PIEZO2: variants seen among roughly 807,000 people sequenced by gnomAD.
The protein encoded by PIEZO2 is piezo type mechanosensitive ion channel component 2.
Under a neutral mutation model 337.3 loss-of-function variants are expected in PIEZO2, and 172 were observed. That is an observed-to-expected ratio of 0.51 (90% confidence interval 0.45 to 0.58). The LOEUF is 0.58. Among genes scored for constraint, PIEZO2 ranks in the 20% least tolerant of loss-of-function variants. PIEZO2 has a pLI of 0.00. For synonymous variants in PIEZO2, 1,251 were observed against 1,228.5 expected (o/e 1.02, Z -0.38); for missense variants, 3,028 against 3,391.3 (o/e 0.89, Z 2.66).
intron 9 of PIEZO2, among the ~76,000 whole-genome samples, chr18:10,802,784 A>G (rs1198141966): frequency 1.3e-5 from 2 of 152,114 alleles, no homozygotes; most frequent in Admixed American, 1.3e-4. Context: ...AGCCAGGGCA[A>G]CATGGCAAAA....
In PIEZO2 at chr18:11,070,568, G is replaced by A. The variant is rs973736895; in HGVS notation, c.65-4346C>T. On this transcript the variant is annotated intron_variant, in intron 1 of 55. Transcript: ENST00000674853. This position sits in a 1 kb window ranked among gnomAD's most constrained non-coding sequence, Gnocchi z 4.3. The stretch of plus-strand genomic sequence containing the variant: ...GACGGATATGAGAAAAACCAGGAAA[G>A]CCTAGCTTCACAAAGGGAAAGGTTT... 7.2e-5 allele frequency among the ~76,000 whole-genome samples: 11 copies of A among 152,274 alleles called. No individual in the cohort carries two copies. Among genetic ancestry groups the A allele is most frequent in the African/African-American group, 2.4e-4 (10 of 41,552 alleles).
chr18:11,036,638 C>CTT (rs1413140894), intron 2 of PIEZO2, among the ~76,000 whole-genome samples: 2 of 151,780 alleles, frequency 1.3e-5, no homozygotes, highest in Non-Finnish European at 2.9e-5. Flanking sequence ...CTCTGACAGA[C>CTT]TTTTGCAGGC....
intron 2 of PIEZO2, among the ~76,000 whole-genome samples, chr18:11,022,471 C>T (rs2584746): frequency 0.46 from 69,819 of 152,010 alleles, 16,171 homozygotes; most frequent in Middle Eastern, 0.53. Context: ...AGGCTAGAAG[C>T]CCACGATCAA....
chr18:10,730,728 G>T (rs1472404859), intron 36 of PIEZO2, among the ~76,000 whole-genome samples: 1 of 151,788 alleles, frequency 6.6e-6, no homozygotes, highest in Non-Finnish European at 1.5e-5. Context: ...TTTCTTATTG[G>T]CTATTTATTT....
intron 54 of PIEZO2, among the ~76,000 whole-genome samples, chr18:10,674,291 G>A (rs1057176951): frequency 3.4e-4 from 51 of 152,226 alleles, no homozygotes; most frequent in African/African-American, 1.2e-3. Context: ...TTATTTCATG[G>A]GAAATTACTG....
chr18:10,704,615 A>C lies in PIEZO2; in HGVS notation c.6037T>G (p.Phe2013Val). 1 of 1,537,234 alleles carries C rather than the reference A, an allele frequency of 6.5e-7. No homozygotes were observed. Among genetic ancestry groups the C allele is most frequent in the Non-Finnish European group, 8.7e-7 (1 of 1,146,884 alleles). Residue 2013 changes from phenylalanine (F) to valine (V), a missense_variant, in exon 42 of 56, where the codon TTC becomes GTC. Physicochemically the swap from Phe to Val is conservative, Grantham distance 50 (BLOSUM62 -1). Transcript: ENST00000674853. ...AGAAATCGGGGCTGCCCCACGTAGA[A>C]TTTCTCTGACTCTTCAAGCTCATCG... is the stretch of plus-strand genomic sequence containing the variant. Reference protein sequence around the residue: ...HDDELEESEKFYVGQPRFLLL... With the variant: ...HDDELEESEKVYVGQPRFLLL...
rs916499369 is a variant in PIEZO2, at chr18:10,705,567, G to A, written c.5768C>T (p.Thr1923Ile). ...GAACTGTGTCAGCTCTTCCTCTGGG[G>A]TGAGGCTGGCCTCCTCGGCACCCAT... is the stretch of plus-strand genomic sequence containing the variant. The part of the protein sequence containing the change: ...GAMGAEEASL[T>I]PEEELTQFST... The change falls in exon 41 of 56, where the codon ACC becomes ATC. Residue 1923 changes from threonine (T) to isoleucine (I), a missense_variant. Around this residue, in one of 5 missense-constraint regions of PIEZO2, gnomAD observed 1,925 missense variants for 2,051.9 expected, o/e 0.94. Transcript: ENST00000674853. 10 of 1,537,134 alleles carry A rather than the reference G, an allele frequency of 6.5e-6. No homozygotes were observed. Among genetic ancestry groups the A allele is most frequent in the African/African-American group, 5.5e-5 (4 of 73,052 alleles).
intron 2 of PIEZO2, among the ~76,000 whole-genome samples, chr18:10,990,999 G>A (rs140032687): frequency 2.0e-5 from 3 of 151,788 alleles, no homozygotes; most frequent in African/African-American, 7.3e-5. Context: ...ATCTGGTTTG[G>A]TATTAAGGTA....
rs2040282301 is a variant in PIEZO2, at chr18:11,129,586, A to AC, written c.64+18938dup. 6.6e-6 allele frequency among the ~76,000 whole-genome samples: 1 copy of AC among 152,168 alleles called. No homozygotes were observed. Among genetic ancestry groups the AC allele is most frequent in the Non-Finnish European group, 1.5e-5 (1 of 68,036 alleles). ...TTTCCAGACTTGAGCCAGTTTATGC[A>AC]CCCAGAACCCCTTGAATGAAGGGGA... On this transcript the variant is annotated intron_variant, in intron 1 of 55. Transcript: ENST00000674853. This position sits in a 1 kb window ranked among gnomAD's most constrained non-coding sequence, Gnocchi z 4.6.
At chr18:10,941,958 G>A (rs570439415) in intron 3 of PIEZO2, among the ~76,000 whole-genome samples, 1 of 152,064 alleles carries the variant, frequency 6.6e-6, no homozygotes, top group Admixed American at 6.5e-5. Context: ...ATAGTGAAGG[G>A]GTCTCACGAG....
Position 10,790,705 on chromosome 18 carries a change from C to CTTT in PIEZO2, c.1882+493_1882+495dup, listed in dbSNP as rs34016331. ...TCACCTTCGTGAGGATCAAATGGCA[C>CTTT]TTTTTTTTTTTTTTTTTTGAGAGGG... On this transcript the variant is annotated intron_variant, in intron 14 of 55. Transcript: ENST00000674853. 6.0e-3 allele frequency among the ~76,000 whole-genome samples: 773 copies of CTTT among 127,866 alleles called. 17 individuals are homozygous for CTTT. The highest frequency in any genetic ancestry group is 8.8e-3 in the Non-Finnish European group (543 of 61,812). 83.9% of individuals were successfully genotyped at this position (127,866 alleles called of 152,430 possible).
chr18:10,953,716 C>T lies in PIEZO2; in HGVS notation c.286+25819G>A, dbSNP rs1379603996. Among the ~76,000 whole-genome samples the T allele has an allele frequency of 6.6e-6, 1 of 152,048 alleles. No individual in the cohort carries two copies. The highest frequency in any genetic ancestry group is 1.5e-5 in the Non-Finnish European group (1 of 68,022). ...TGGTTGAACACATCGCAACACTGGG[C>T]AGATAGATGGGCAGCATTTTATTAC... is the stretch of plus-strand genomic sequence containing the variant. On this transcript the variant is annotated intron_variant, in intron 3 of 55. Coordinates refer to ENST00000674853, the MANE Select transcript of PIEZO2 (RefSeq NM_001378183.1). The surrounding 1 kb of genome is among the most constrained non-coding windows in gnomAD (Gnocchi z 5.2).
intron 54 of PIEZO2, among the ~76,000 whole-genome samples, chr18:10,674,294 A>T (rs2033898819): frequency 6.6e-6 from 1 of 152,234 alleles, no homozygotes; most frequent in African/African-American, 2.4e-5. Flanking sequence ...TTTCATGGGA[A>T]ATTACTGATT....
chr18:10,695,368 C>T (rs1349910743), intron 47 of PIEZO2, among the ~76,000 whole-genome samples: 3 of 152,188 alleles, frequency 2.0e-5, no homozygotes, highest in Non-Finnish European at 1.5e-5. Flanking sequence ...TGAAGGTCAA[C>T]ACCCTTTCCT....
rs528224646 is a variant in PIEZO2 at position 10,726,903 on chromosome 18, G to T, written c.5029+4504C>A. 64 of 1,585,660 alleles carry T rather than the reference G, an allele frequency of 4.0e-5. No individual in the cohort carries two copies. The highest frequency in any genetic ancestry group is 5.3e-5 in the Non-Finnish European group (62 of 1,162,504). ...AGCACATCATGGCCACCAACCGGCTGGATGTGGCGGAGCTGGGTCGCCTGC... is the reference window on the plus strand; with the variant it reads ...AGCACATCATGGCCACCAACCGGCTTGATGTGGCGGAGCTGGGTCGCCTGC... On this transcript the variant is annotated intron_variant, in intron 36 of 55. Coordinates refer to ENST00000674853, the MANE Select transcript of PIEZO2 (RefSeq NM_001378183.1). The surrounding 1 kb of genome is among the most constrained non-coding windows in gnomAD (Gnocchi z 5.9).
At chr18:10,972,266 T>C (rs1209180062) in intron 3 of PIEZO2, among the ~76,000 whole-genome samples, 1 of 152,122 alleles carries the variant, frequency 6.6e-6, no homozygotes, top group African/African-American at 2.4e-5. Flanking sequence ...CTCCTAACTC[T>C]TCCATCATGT....
In PIEZO2 at chr18:11,033,184, G is replaced by C. The variant is rs1337519257; in HGVS notation, c.160+32943C>G. 2.0e-5 allele frequency among the ~76,000 whole-genome samples: 3 copies of C among 152,240 alleles called. No individual in the cohort carries two copies. Among genetic ancestry groups the C allele is most frequent in the Non-Finnish European group, 4.4e-5 (3 of 68,046 alleles). On this transcript the variant is annotated intron_variant, in intron 2 of 55. Transcript: ENST00000674853. This position sits in a 1 kb window ranked among gnomAD's most constrained non-coding sequence, Gnocchi z 4.2. ...TCTCTACAACACACATGTGGGCACT[G>C]TTCTCTCCTTCATTTCACACATGAG...
chr18:10,699,430 C>T (rs996841422), intron 43 of PIEZO2, among the ~76,000 whole-genome samples: 3 of 152,074 alleles, frequency 2.0e-5, no homozygotes, highest in East Asian at 3.9e-4. Context: ...TCATGAGATC[C>T]GATGGTTATA....
chr18:10,677,971 C>T lies in PIEZO2; in HGVS notation c.7953-96G>A. On this transcript the variant is annotated intron_variant, in intron 52 of 55. Coordinates refer to ENST00000674853, the MANE Select transcript of PIEZO2 (RefSeq NM_001378183.1). This position sits in a 1 kb window ranked among gnomAD's most constrained non-coding sequence, Gnocchi z 4.1. ...TTAACTCTTAATTTGATTAATGTCACCACGTTTTCATTGGGTCCACAACGG... is the reference window on the plus strand; with the variant it reads ...TTAACTCTTAATTTGATTAATGTCATCACGTTTTCATTGGGTCCACAACGG... 2 of 1,244,730 alleles carry T rather than the reference C, an allele frequency of 1.6e-6. No individual in the cohort carries two copies. Among genetic ancestry groups the T allele is most frequent in the Non-Finnish European group, 1.1e-6 (1 of 924,976 alleles). The allele number at this position is 1,244,730 out of a possible 1,614,324, so 77.1% of individuals were successfully genotyped here.
Sources: gnomAD v4.1 joint callset for allele counts (sites outside exome capture counted in the v4.1 genomes callset) on GRCh38, gnomAD v4.1.1 for gene constraint, gnomAD v4.1.1 regional missense constraint, Gnocchi (gnomAD v3.1) non-coding constraint, MANE v1.5 for transcripts, NCBI Gene and HGNC (gene_info 2026-07-23, HGNC 2026-07-21) for gene names.